PRC1: variants seen among roughly 807,000 people sequenced by gnomAD.
PRC1 encodes the protein protein regulator of cytokinesis 1, also known as anaphase spindle elongation 1 homolog.
A neutral mutation model predicts 91.2 loss-of-function variants in PRC1; 54 were observed. That is an observed-to-expected ratio of 0.59 (90% CI 0.48 to 0.74). The LOEUF is 0.74. PRC1 is among the 30% of genes least tolerant of loss of function. The probability of loss-of-function intolerance (pLI) is 0.00; values close to 1 mark genes in which losing one functional copy is unlikely to be tolerated. For synonymous variants in PRC1, 275 were observed against 263.6 expected, an observed-to-expected ratio of 1.04 and a Z score of -0.42; for missense variants, 727 against 746.2, an observed-to-expected ratio of 0.97 and a Z score of 0.30.
intron 12 of PRC1, 64 bp downstream of exon 12, chr15:90,970,340 G>T: frequency 2.5e-6 from 3 of 1,188,100 alleles, no homozygotes; most frequent in South Asian, 2.6e-5. Context: ...CAAGTAGGTG[G>T]GGCCTCTGGG....
intron 12 of PRC1, 42 bp from the exon 13 acceptor site, chr15:90,969,665 G>T: frequency 6.5e-7 from 1 of 1,539,282 alleles, no homozygotes; most frequent in South Asian, 1.2e-5. Flanking sequence ...TCCTTCTAAT[G>T]AACGTGCACA....
rs904201966 is a variant in PRC1, at chr15:90,968,988, ATTAG to A, written c.1791+87_1791+90del. 6.2e-5 allele frequency: 99 copies of A among 1,598,164 alleles called. No individual in the cohort carries two copies. In the East Asian group the frequency reaches 8.1e-4, roughly 13 times the overall value. On this transcript the variant is annotated intron_variant, in intron 14 of 14. Transcript: ENST00000394249. Reference sequence around the variant, plus strand: ...CTTCCTTTGTAACACTGCTGAGATTATTAGTTAGTGTAGCCCTGTGCCCAGATGA... The same window carrying A: ...CTTCCTTTGTAACACTGCTGAGATTATTAGTGTAGCCCTGTGCCCAGATGA...
intron 11 of PRC1, chr15:90,973,896 T>C: frequency 2.3e-6 from 1 of 428,850 alleles, no homozygotes; most frequent in South Asian, 2.9e-5. Context: ...TAGTAATCAA[T>C]AAATACTGAG....
intron 1 of PRC1, chr15:90,988,280 A>C (rs750252700): frequency 4.6e-5 from 7 of 152,176 alleles, no homozygotes; most frequent in African/African-American, 4.8e-5. Flanking sequence ...TCTGGATGCA[A>C]AACCCTGGCT....
chr15:90,976,797 T>G, intron 8 of PRC1, 26 bp from the exon 9 acceptor site: 1 of 1,564,866 alleles, frequency 6.4e-7, no homozygotes, highest in Non-Finnish European at 8.8e-7. Context: ...TTTTAATTAG[T>G]GGAAAACCTG....
In PRC1 at chr15:90,994,495, C is replaced by T. The variant is rs893846354; in HGVS notation, c.-78G>A. The T allele has an allele frequency of 2.7e-5, 42 of 1,538,070 alleles. No homozygotes were observed. The highest frequency in any genetic ancestry group is 3.6e-5 in the Non-Finnish European group (41 of 1,136,664). On this transcript the variant is annotated 5_prime_UTR_variant, in exon 1 of 15. Coordinates refer to ENST00000394249, the MANE Select transcript of PRC1 (RefSeq NM_003981.4). The stretch of plus-strand genomic sequence containing the variant: ...CCCGAGAGCAACAACCACCCGCAAA[C>T]ACCGGCGATGTCACTCCGCGTAGCC...
At chr15:90,969,762 ACAT>A (rs2037906491) in intron 12 of PRC1, 139 bp from the exon 13 acceptor site, 14 of 174,684 alleles carry the variant, frequency 8.0e-5, no homozygotes, top group Admixed American at 7.1e-4. Flanking sequence ...TAAAAAAAAA[ACAT>A]ATATATATAT....
At chr15:90,973,848 GTCC>G (rs2038409202) in intron 11 of PRC1, among the ~76,000 whole-genome samples, 1 of 151,914 alleles carries the variant, frequency 6.6e-6, no homozygotes, top group African/African-American at 2.4e-5. Flanking sequence ...CTATCACCCT[GTCC>G]TCCTGCCGCA....
chr15:90,979,235 AGTT>A lies in PRC1; in HGVS notation c.1027_1029del (p.Asn343del), dbSNP rs754872427. The A allele has an allele frequency of 6.2e-7, 1 of 1,614,228 alleles. No individual in the cohort carries two copies. The highest frequency in any genetic ancestry group is 1.7e-5 in the Admixed American group (1 of 60,028). On this transcript the variant is annotated inframe_deletion, in exon 8 of 15. Coordinates refer to ENST00000394249, the MANE Select transcript of PRC1 (RefSeq NM_003981.4). ...AAGAGTTCCTTGTGAACTTCATAGTAGTTTTTTAACCGCACAATCTCAGCATCG... is the reference window on the plus strand; with the variant it reads ...AAGAGTTCCTTGTGAACTTCATAGTATTTTAACCGCACAATCTCAGCATCG...
chr15:90,989,300 T>G (rs2039805921), intron 1 of PRC1, among the ~76,000 whole-genome samples: 1 of 151,850 alleles, frequency 6.6e-6, no homozygotes, highest in Non-Finnish European at 1.5e-5. Context: ...TGGGCTGGAG[T>G]GCAGTGGTGT....
In PRC1 at chr15:90,974,862, C is replaced by G; in HGVS notation, c.1204-131G>C. ...GCCTCATTTCAGGTAGCTGGGCCCACATGGGTACAGGTCAGAGTGACCAGA... is the reference window on the plus strand; with the variant it reads ...GCCTCATTTCAGGTAGCTGGGCCCAGATGGGTACAGGTCAGAGTGACCAGA... On this transcript the variant is annotated intron_variant, in intron 9 of 14. Coordinates refer to ENST00000394249, the MANE Select transcript of PRC1 (RefSeq NM_003981.4). The surrounding 1 kb of genome is among the most constrained non-coding windows in gnomAD (Gnocchi z 4.6). 1 of 1,056,926 alleles carries G rather than the reference C, an allele frequency of 9.5e-7. No homozygotes were observed. The allele number at this position is 1,056,926 out of a possible 1,614,324, so 65.5% of individuals were successfully genotyped here. A position where few individuals can be genotyped will look rare whatever the true frequency, so the allele number is the denominator to read the frequency against.
rs2037994720 is a variant in PRC1, at chr15:90,970,271, T to C, written c.1572+133A>G. 2.6e-5 allele frequency: 18 copies of C among 700,696 alleles called. No individual in the cohort carries two copies. The South Asian group carries it at 3.2e-4, about 13-fold the overall frequency. The allele number at this position is 700,696 out of a possible 1,614,324, so 43.4% of individuals were successfully genotyped here. On this transcript the variant is annotated intron_variant, in intron 12 of 14. Coordinates refer to ENST00000394249, the MANE Select transcript of PRC1 (RefSeq NM_003981.4). ...CATTATTTAATGGTGAGCTAGCTTATATCTGTCAACTCTCAGCATCTCAAT... is the reference window on the plus strand; with the variant it reads ...CATTATTTAATGGTGAGCTAGCTTACATCTGTCAACTCTCAGCATCTCAAT...
At chr15:90,977,035 C>T (rs1298056923) in intron 8 of PRC1, among the ~76,000 whole-genome samples, 2 of 145,384 alleles carry the variant, frequency 1.4e-5, no homozygotes. Flanking sequence ...GAGGCTGAGA[C>T]AGGAGAATCA....
rs2039424411 is a variant in PRC1 at position 90,984,284 on chromosome 15, A to T, written c.145-144T>A. 3.4e-5 allele frequency: 40 copies of T among 1,162,616 alleles called. 1 individual carries two copies. In the South Asian group the frequency reaches 5.7e-4, roughly 17 times the overall value. The allele number at this position is 1,162,616 out of a possible 1,614,324, so 72.0% of individuals were successfully genotyped here. ...CGCTCTGTTGCCCAGGCTGGAGTGC[A>T]ATGGCGTGCTTTCGGCTCACTGCAA... On this transcript the variant is annotated intron_variant, in intron 2 of 14. Coordinates refer to ENST00000394249, the MANE Select transcript of PRC1 (RefSeq NM_003981.4). This position sits in a 1 kb window ranked among gnomAD's most constrained non-coding sequence, Gnocchi z 5.1.
chr15:90,989,554 TA>T (rs1442777127), intron 1 of PRC1, among the ~76,000 whole-genome samples: 4 of 151,740 alleles, frequency 2.6e-5, no homozygotes, highest in Admixed American at 1.3e-4. Context: ...CCCCTCAGTT[TA>T]ACAGAGTTCA....
intron 9 of PRC1, among the ~76,000 whole-genome samples, chr15:90,975,211 T>C (rs1268466337): frequency 6.6e-6 from 1 of 152,194 alleles, no homozygotes; most frequent in Non-Finnish European, 1.5e-5. Flanking sequence ...GTTCAAGCGA[T>C]TCTTGTGCCT....
chr15:90,991,277 G>T (rs951193238), intron 1 of PRC1, among the ~76,000 whole-genome samples: 7 of 151,496 alleles, frequency 4.6e-5, no homozygotes, highest in African/African-American at 1.5e-4. Context: ...TTAGCTGGGC[G>T]TGGTAGTGGG....
intron 5 of PRC1, 97 bp downstream of exon 5, chr15:90,981,402 A>G: frequency 7.3e-7 from 1 of 1,371,078 alleles, no homozygotes; most frequent in Non-Finnish European, 1.0e-6. Context: ...CTTACCTTAC[A>G]TTGTCTCCTT....
chr15:90,980,209 C>T lies in PRC1; in HGVS notation c.970+33G>A, dbSNP rs1596310139. ...CAACAGAGTAAGACCTGTCTCCAAA[C>T]AAACAAACCAAAGACCTCACTCTTG... is the stretch of plus-strand genomic sequence containing the variant. On this transcript the variant is annotated intron_variant, in intron 7 of 14. Transcript: ENST00000394249. 1.9e-6 allele frequency: 3 copies of T among 1,558,340 alleles called. No homozygotes were observed. In the East Asian group the frequency reaches 6.9e-5, roughly 36 times the overall value.
Sources: allele counts gnomAD v4.1 joint callset (sites outside exome capture counted in the v4.1 genomes callset), GRCh38; gene constraint gnomAD v4.1.1; non-coding constraint Gnocchi (gnomAD v3.1); transcripts MANE v1.5; gene names NCBI Gene and HGNC (gene_info 2026-07-23, HGNC 2026-07-21).